The following CNDP2 variants were observed in gnomAD, a reference collection of about 807,000 sequenced individuals.
CNDP2 encodes carnosine dipeptidase 2.
A neutral mutation model predicts 55.0 loss-of-function variants in CNDP2; 38 were observed. The ratio of observed to expected loss-of-function variants is 0.69; its 90% CI spans 0.53 to 0.90. CNDP2 has a LOEUF of 0.90. Ranked by LOEUF, CNDP2 falls within the 40% of genes least tolerant of loss-of-function variation. The probability of loss-of-function intolerance (pLI) is 0.00; values close to 1 mark genes in which losing one functional copy is unlikely to be tolerated. For synonymous variants in CNDP2, 241 were observed against 260.2 expected (o/e 0.93, Z 0.71); for missense variants, 607 against 621.7 (o/e 0.98, Z 0.25).
chr18:74,501,836 C>A (rs929622406), intron 3 of CNDP2, among the ~76,000 whole-genome samples: 1 of 152,084 alleles, frequency 6.6e-6, no homozygotes, highest in African/African-American at 2.4e-5. Context: ...TATAAAGACT[C>A]CCCCCAACCC....
At chr18:74,514,110 T>C (rs986226341) in intron 8 of CNDP2, among the ~76,000 whole-genome samples, 1 of 152,238 alleles carries the variant, frequency 6.6e-6, no homozygotes, top group African/African-American at 2.4e-5. Context: ...AAGTGGGTCA[T>C]GACTTTTCTC....
In CNDP2 at chr18:74,512,501, T is replaced by C. The variant is rs756093617; in HGVS notation, c.711T>C (p.His237=). 1 of 1,614,010 alleles carries C rather than the reference T, an allele frequency of 6.2e-7. No individual in the cohort carries two copies. Among genetic ancestry groups the C allele is most frequent in the Admixed American group, 1.7e-5 (1 of 60,004 alleles). Residue 237 remains histidine (H), a synonymous_variant, in exon 7 of 12, where the codon CAT becomes CAC. Coordinates refer to ENST00000324262, the MANE Select transcript of CNDP2 (RefSeq NM_018235.3). ...CTGGGGTGTACGGGGGCTCGGTGCA[T>C]GAGGCCATGACTGATCTCATTTTGC... The part of the protein sequence containing the change: ...LHSGVYGGSV[H]EAMTDLILLM...
intron 3 of CNDP2, among the ~76,000 whole-genome samples, chr18:74,502,297 C>G (rs150233919): frequency 6.6e-6 from 1 of 152,174 alleles, no homozygotes; most frequent in South Asian, 2.1e-4. Context: ...TAAGTACTCA[C>G]GTCATCCATA....
chr18:74,497,153 G>A (rs909721827), intron 1 of CNDP2, among the ~76,000 whole-genome samples: 1 of 152,086 alleles, frequency 6.6e-6, no homozygotes, highest in Non-Finnish European at 1.5e-5. Context: ...GTCAGATTCC[G>A]TAGATCATCC....
intron 5 of CNDP2, 182 bp downstream of exon 5, chr18:74,509,110 G>A (rs1979200994): frequency 5.4e-6 from 3 of 559,714 alleles, no homozygotes; most frequent in Non-Finnish European, 9.6e-6. Flanking sequence ...CCAGCTTTAG[G>A]AAACATTCAA....
intron 11 of CNDP2, 88 bp downstream of exon 11, chr18:74,519,184 G>A: frequency 1.3e-6 from 2 of 1,483,430 alleles, no homozygotes; most frequent in Non-Finnish European, 1.8e-6. Context: ...CAGCTGCCAA[G>A]AGAAGCAGGT....
chr18:74,516,175 C>T lies in CNDP2; in HGVS notation c.904-53C>T, dbSNP rs560711914. The T allele has an allele frequency of 3.4e-5, 52 of 1,533,082 alleles. No homozygotes were observed. In the African/African-American group the frequency reaches 6.1e-4, roughly 18 times the overall value. The allele number at this position is 1,533,082 out of a possible 1,614,324, so 95.0% of individuals were successfully genotyped here. A position where few individuals can be genotyped will look rare whatever the true frequency, so the allele number is the denominator to read the frequency against. Reference sequence around the variant, plus strand: ...CATTCCCAGCTCCTCGGTGAGCAGACAGGGCTGGCACTGAATGCCTGAGGT... The same window carrying T: ...CATTCCCAGCTCCTCGGTGAGCAGATAGGGCTGGCACTGAATGCCTGAGGT... On this transcript the variant is annotated intron_variant, in intron 8 of 11. Transcript: ENST00000324262.
chr18:74,523,244 G>A lies in CNDP2; in HGVS notation c.*3176G>A, dbSNP rs1980152470. 1.3e-5 allele frequency: 2 copies of A among 152,212 alleles called. No homozygotes were observed. Among genetic ancestry groups the A allele is most frequent in the South Asian group, 4.1e-4 (2 of 4,836 alleles). 9.4% of individuals were successfully genotyped at this position (152,212 alleles called of 1,614,324 possible). On this transcript the variant is annotated 3_prime_UTR_variant, in exon 12 of 12. Transcript: ENST00000324262. Reference sequence around the variant, plus strand: ...TTTTGTAAAACCCTGGACTGAATGGGTCTGACTAACGGCTGGTTCTGTGAA... The same window carrying A: ...TTTTGTAAAACCCTGGACTGAATGGATCTGACTAACGGCTGGTTCTGTGAA...
Position 74,523,328 on chromosome 18 carries a change from A to T in CNDP2, c.*3260A>T, listed in dbSNP as rs1980159756. The T allele has an allele frequency of 6.6e-6, 1 of 152,188 alleles. No homozygotes were observed. The highest frequency in any genetic ancestry group is 1.5e-5 in the Non-Finnish European group (1 of 68,042). The allele number at this position is 152,188 out of a possible 1,614,324, so 9.4% of individuals were successfully genotyped here. A position where few individuals can be genotyped will look rare whatever the true frequency, so the allele number is the denominator to read the frequency against. On this transcript the variant is annotated 3_prime_UTR_variant, in exon 12 of 12. Transcript: ENST00000324262. Reference sequence around the variant, plus strand: ...AAACCACTTTCCCAGAGAGGTTATGAAGACAGAAATGACCCTGTGACCCCT... The same window carrying T: ...AAACCACTTTCCCAGAGAGGTTATGTAGACAGAAATGACCCTGTGACCCCT...
intron 3 of CNDP2, among the ~76,000 whole-genome samples, chr18:74,501,810 A>T (rs1978717840): frequency 1.3e-5 from 2 of 152,100 alleles, no homozygotes; most frequent in Admixed American, 1.3e-4. Context: ...CACTTTATTC[A>T]AGTCCATTTA....
chr18:74,513,762 T>C (rs1195283056), intron 8 of CNDP2, 43 bp downstream of exon 8: 2 of 1,594,518 alleles, frequency 1.3e-6, no homozygotes, highest in African/African-American at 2.7e-5. Flanking sequence ...CAGGCCACGC[T>C]GTGACACAGG....
chr18:74,512,371 T>G, intron 6 of CNDP2, 77 bp from the exon 7 acceptor site: 1 of 1,326,016 alleles, frequency 7.5e-7, no homozygotes, highest in Non-Finnish European at 1.1e-6. Flanking sequence ...TAAATGCTCT[T>G]TGTTGAATTT....
intron 3 of CNDP2, chr18:74,504,957 A>C (rs1239972820): frequency 3.3e-5 from 5 of 152,202 alleles, no homozygotes; most frequent in Non-Finnish European, 7.3e-5. Flanking sequence ...GCCTCCATTT[A>C]GATGCAGGGG....
chr18:74,511,077 G>T (rs775646494), intron 6 of CNDP2, 64 bp downstream of exon 6: 2 of 1,406,506 alleles, frequency 1.4e-6, no homozygotes, highest in Admixed American at 2.0e-5. Flanking sequence ...TCTCCCAAAC[G>T]CAAAGTAGAC....
rs1979659464 is a variant in CNDP2 at position 74,516,285 on chromosome 18, G to C, written c.961G>C (p.Gly321Arg). Residue 321 changes from glycine to arginine, a missense_variant, in exon 9 of 12, where the codon GGC becomes CGC. Transcript: ENST00000324262. ...YPSLSLHGIE[G>R]AFSGSGAKTV... ...GTCTCTGTCCCTCCATGGCATCGAA[G>C]GCGCCTTCTCTGGGTCTGGGGCCAA... 1.9e-6 allele frequency: 3 copies of C among 1,614,036 alleles called. No individual in the cohort carries two copies. The highest frequency in any genetic ancestry group is 3.3e-4 in the Middle Eastern group (2 of 6,082).
At chr18:74,507,382 T>A (rs1314818509) in intron 4 of CNDP2, 1 of 152,826 alleles carries the variant, frequency 6.5e-6, no homozygotes, top group Non-Finnish European at 1.5e-5. Context: ...AAGCTCCCTG[T>A]CCCCCTCACC....
rs1979850687 is a variant in CNDP2 at position 74,518,560 on chromosome 18, A to G, written c.1130A>G (p.Tyr377Cys). 4 of 1,614,240 alleles carry G rather than the reference A, an allele frequency of 2.5e-6. No homozygotes were observed. In the East Asian group the frequency reaches 8.9e-5, roughly 36 times the overall value. Residue 377 changes from tyrosine to cysteine, a missense_variant, in exon 10 of 12, where the codon TAC becomes TGC. Coordinates refer to ENST00000324262, the MANE Select transcript of CNDP2 (RefSeq NM_018235.3). The part of the protein sequence containing the change: ...ELRSPNEFKV[Y>C]MGHGGKPWVS... ...CGCAGCCCCAATGAGTTCAAGGTGT[A>G]CATGGGCCACGGTGGGAAGCCCTGG...
At chr18:74,503,496 G>A (rs1347512643) in intron 3 of CNDP2, among the ~76,000 whole-genome samples, 2 of 152,222 alleles carry the variant, frequency 1.3e-5, no homozygotes, top group Non-Finnish European at 2.9e-5. Context: ...GGGCGTTTCA[G>A]AACAATTTTA....
chr18:74,518,354 G>C, intron 9 of CNDP2, 145 bp from the exon 10 acceptor site: 1 of 742,828 alleles, frequency 1.3e-6, no homozygotes, highest in Non-Finnish European at 2.2e-6. Context: ...ACTCATCGTA[G>C]ACTCAGCATA....
Sources: gnomAD v4.1 joint callset for allele counts (sites outside exome capture counted in the v4.1 genomes callset) on GRCh38, gnomAD v4.1.1 for gene constraint, MANE v1.5 for transcripts, NCBI Gene and HGNC (gene_info 2026-07-23, HGNC 2026-07-21) for gene names.